Variants in RAD51B observed in about 807,000 individuals in gnomAD.
The protein encoded by RAD51B is DNA repair protein RAD51 homolog 2.
A neutral mutation model predicts 42.2 loss-of-function variants in RAD51B; 38 were observed. The observed-to-expected ratio is 0.90, with a 90% CI of 0.70 to 1.18. RAD51B has a LOEUF of 1.18. RAD51B is among the 50% of genes most tolerant of loss of function. The probability of loss-of-function intolerance (pLI) is 0.00; values close to 1 mark genes in which losing one functional copy is unlikely to be tolerated. For synonymous variants in RAD51B, 154 were observed against 145.2 expected (o/e 1.06, Z -0.43); for missense variants, 373 against 400.7 (o/e 0.93, Z 0.59).
chr14:68,338,995 C>A, intron 8 of RAD51B: 1 of 657,564 alleles, frequency 1.5e-6, no homozygotes, highest in Non-Finnish European at 2.8e-6. Context: ...TAAGGGACCC[C>A]CTTTTTACAA....
chr14:68,173,824 G>C (rs1183196371), intron 7 of RAD51B, among the ~76,000 whole-genome samples: 1 of 152,130 alleles, frequency 6.6e-6, no homozygotes, highest in Non-Finnish European at 1.5e-5. Context: ...ATGAGTAAAA[G>C]TCTTAAGATC....
At chr14:68,023,828 G>T (rs1750673847) in intron 7 of RAD51B, among the ~76,000 whole-genome samples, 1 of 152,090 alleles carries the variant, frequency 6.6e-6, no homozygotes, top group African/African-American at 2.4e-5. Flanking sequence ...CTTTTGCTGT[G>T]TGGAAGTTCT....
chr14:68,389,932 G>A (rs2083699802), intron 8 of RAD51B, among the ~76,000 whole-genome samples: 1 of 152,080 alleles, frequency 6.6e-6, no homozygotes, highest in African/African-American at 2.4e-5. Context: ...TTTAAACCTA[G>A]GTATTCTGCG....
At chr14:68,208,958 A>G (rs974653887) in intron 7 of RAD51B, among the ~76,000 whole-genome samples, 2 of 152,214 alleles carry the variant, frequency 1.3e-5, no homozygotes, top group Non-Finnish European at 2.9e-5. Context: ...ACTGAATTGA[A>G]TGGAATCTGT....
intron 7 of RAD51B, chr14:68,124,948 CA>C (rs199751390): frequency 0.042 from 5,034 of 120,302 alleles, 99 homozygotes; most frequent in East Asian, 0.11. Flanking sequence ...GACTCTGACT[CA>C]AAAAAAAAAA....
intron 7 of RAD51B, among the ~76,000 whole-genome samples, chr14:68,035,501 G>C (rs1427685951): frequency 6.6e-6 from 1 of 152,096 alleles, no homozygotes; most frequent in East Asian, 1.9e-4. Context: ...CCTCATTACT[G>C]TTTTACAACT....
Position 67,933,994 on chromosome 14 carries a change from C to T in RAD51B, c.756+46790C>T, listed in dbSNP as rs75250276. The stretch of plus-strand genomic sequence containing the variant: ...CAATATACACCTGACTACAAAGCTT[C>T]GTAGACTATCAACATCAGTTACTTC... On this transcript the variant is annotated intron_variant, in intron 7 of 10. Coordinates refer to ENST00000471583, the MANE Select transcript of RAD51B (RefSeq NM_133510.4). Among the ~76,000 whole-genome samples the T allele has an allele frequency of 8.5e-3, 1,290 of 152,280 alleles. 33 individuals are homozygous for T. Among genetic ancestry groups the T allele is most frequent in the Middle Eastern group, 6.8e-3 (2 of 294 alleles).
chr14:68,261,460 C>T (rs1029098537), intron 7 of RAD51B, among the ~76,000 whole-genome samples: 2 of 152,104 alleles, frequency 1.3e-5, no homozygotes, highest in African/African-American at 4.8e-5. Context: ...GCATCAGCAC[C>T]CCGTTTAATG....
At chr14:67,989,854 T>A (rs1483042707) in intron 7 of RAD51B, among the ~76,000 whole-genome samples, 1 of 152,008 alleles carries the variant, frequency 6.6e-6, no homozygotes. Context: ...AACCCTGGAT[T>A]TTTCCCAATT....
At chr14:68,019,764 C>A (rs995014271) in intron 7 of RAD51B, among the ~76,000 whole-genome samples, 1 of 152,128 alleles carries the variant, frequency 6.6e-6, no homozygotes, top group African/African-American at 2.4e-5. Flanking sequence ...AAAAAAGAGA[C>A]ATCTATCTTA....
intron 7 of RAD51B, among the ~76,000 whole-genome samples, chr14:68,272,665 A>ATATATT (rs2081140091): frequency 8.0e-5 from 1 of 12,474 alleles, no homozygotes; most frequent in Non-Finnish European, 1.4e-4. Flanking sequence ...ATATATATAT[A>ATATATT]TTTTTTTTTT....
intron 8 of RAD51B, among the ~76,000 whole-genome samples, chr14:68,363,870 C>T (rs2083084351): frequency 1.3e-5 from 2 of 152,162 alleles, no homozygotes; most frequent in African/African-American, 4.8e-5. Flanking sequence ...ATCAGCCGCT[C>T]CATTGCACAG....
At chr14:68,243,291 TA>T (rs2080430378) in intron 7 of RAD51B, among the ~76,000 whole-genome samples, 1 of 152,216 alleles carries the variant, frequency 6.6e-6, no homozygotes, top group Admixed American at 6.5e-5. Flanking sequence ...TTGCGAAGGT[TA>T]AAAAATAAAG....
At chr14:68,054,783 G>A (rs574280560) in intron 7 of RAD51B, among the ~76,000 whole-genome samples, 1 of 152,158 alleles carries the variant, frequency 6.6e-6, no homozygotes, top group Non-Finnish European at 1.5e-5. Flanking sequence ...AACTCTGTCC[G>A]TTGGAAGCAT....
At chr14:68,609,385 C>A (rs558328176) in intron 10 of RAD51B, among the ~76,000 whole-genome samples, 65 of 152,288 alleles carry the variant, frequency 4.3e-4, no homozygotes, top group African/African-American at 1.5e-3. Context: ...TCTCAGCACG[C>A]CCCTTACTGA....
chr14:68,349,450 TCCGCCTC>T (rs1480501609), intron 8 of RAD51B, among the ~76,000 whole-genome samples: 1 of 152,190 alleles, frequency 6.6e-6, no homozygotes, highest in African/African-American at 2.4e-5. Flanking sequence ...CACTGCAACC[TCCGCCTC>T]CCAGGTTCAA....
At chr14:68,442,709 G>C (rs111696308) in intron 9 of RAD51B, among the ~76,000 whole-genome samples, 1 of 151,888 alleles carries the variant, frequency 6.6e-6, no homozygotes, top group Non-Finnish European at 1.5e-5. Flanking sequence ...AAAGTGCTGG[G>C]ATTACAGGCA....
At chr14:68,673,940 CAT>C (rs769776438) in intron 11 of RAD51B, among the ~76,000 whole-genome samples, 1 of 151,884 alleles carries the variant, frequency 6.6e-6, no homozygotes, top group Non-Finnish European at 1.5e-5. Flanking sequence ...CACACACACA[CAT>C]ACTGTACACA....
intron 8 of RAD51B, among the ~76,000 whole-genome samples, chr14:68,295,375 A>G (rs990237974): frequency 2.0e-5 from 3 of 152,188 alleles, no homozygotes; most frequent in Non-Finnish European, 2.9e-5. Context: ...CAGCAACACA[A>G]AAACAAAGAA....
Sources: allele counts gnomAD v4.1 joint callset (sites outside exome capture counted in the v4.1 genomes callset), GRCh38; gene constraint gnomAD v4.1.1; transcripts MANE v1.5; gene names NCBI Gene and HGNC (gene_info 2026-07-23, HGNC 2026-07-21).